Variants in LARP4B observed in about 807,000 individuals in gnomAD.
LARP4B encodes the protein La ribonucleoprotein 4B.
Under a neutral mutation model 89.8 loss-of-function variants are expected in LARP4B, and 12 were observed. The ratio of observed to expected loss-of-function variants is 0.13; its 90% CI spans 0.09 to 0.22. The LOEUF is 0.22. LARP4B is among the 10% of genes least tolerant of loss of function. The probability of loss-of-function intolerance (pLI) is 1.00; values close to 1 mark genes in which losing one functional copy is unlikely to be tolerated. For missense variants in LARP4B, 757 were observed against 947.7 expected, an observed-to-expected ratio of 0.80 and a Z score of 2.64; for synonymous variants, 367 against 363.3, an observed-to-expected ratio of 1.01 and a Z score of -0.12.
intron 3 of LARP4B, among the ~76,000 whole-genome samples, chr10:867,652 G>A (rs375936054): frequency 2.0e-5 from 3 of 152,000 alleles, no homozygotes; most frequent in African/African-American, 7.3e-5. Flanking sequence ...CTTGTGGTCA[G>A]GAGTTCAAGT....
At chr10:908,408 G>A (rs1047380032) in intron 1 of LARP4B, among the ~76,000 whole-genome samples, 1 of 152,188 alleles carries the variant, frequency 6.6e-6, no homozygotes, top group Non-Finnish European at 1.5e-5. Flanking sequence ...CCTTACTTGT[G>A]TGAGTCTGTC....
intron 1 of LARP4B, among the ~76,000 whole-genome samples, chr10:921,394 A>G (rs1274320012): frequency 1.3e-5 from 2 of 152,240 alleles, no homozygotes; most frequent in Non-Finnish European, 2.9e-5. Context: ...GAAAACATCT[A>G]GTCTACAGTT....
At chr10:987,774 C>G in the LARP4B span, 1 of 152,342 alleles carries the variant, frequency 6.6e-6, no homozygotes, top group Non-Finnish European at 1.5e-5. Flanking sequence ...TCTCTCGCAA[C>G]TGTTCCCTGG....
At chr10:957,675 T>C in the LARP4B span, among the ~76,000 whole-genome samples, 8 of 152,196 alleles carry the variant, frequency 5.3e-5, no homozygotes, top group African/African-American at 1.9e-4. Flanking sequence ...CACTCAAATA[T>C]AATAAAAATT....
At chr10:964,566 T>G in the LARP4B span, among the ~76,000 whole-genome samples, 729 of 152,246 alleles carry the variant, frequency 4.8e-3, 6 homozygotes, top group African/African-American at 0.015. Flanking sequence ...TGGAATGTGC[T>G]GAAGTTAGCA....
intron 3 of LARP4B, among the ~76,000 whole-genome samples, chr10:880,547 A>G (rs1564427933): frequency 6.6e-6 from 1 of 152,126 alleles, no homozygotes; most frequent in Non-Finnish European, 1.5e-5. Flanking sequence ...TTAGCCAAGC[A>G]TGGTGGTGCA....
rs768527302 is a variant in LARP4B, at chr10:822,327, G to C, written c.1485-1482C>G. Among the ~76,000 whole-genome samples the C allele has an allele frequency of 3.3e-5, 5 of 152,232 alleles. No homozygotes were observed. The highest frequency in any genetic ancestry group is 7.3e-5 in the Non-Finnish European group (5 of 68,032). On this transcript the variant is annotated intron_variant, in intron 13 of 17. Coordinates refer to ENST00000316157, the MANE Select transcript of LARP4B (RefSeq NM_015155.3). This position sits in a 1 kb window ranked among gnomAD's most constrained non-coding sequence, Gnocchi z 4.6. ...CTGGACAGAGGGACAGCAGCCACATGGGCAGAGGACATCCCGCAGGGCTCG... is the reference window on the plus strand; with the variant it reads ...CTGGACAGAGGGACAGCAGCCACATCGGCAGAGGACATCCCGCAGGGCTCG...
chr10:820,965 C>G, intron 13 of LARP4B, 120 bp from the exon 14 acceptor site: 4 of 829,364 alleles, frequency 4.8e-6, no homozygotes, highest in South Asian at 1.7e-5. Context: ...ACTTTGAAAC[C>G]TTTCAAAGAT....
At chr10:880,358 T>A (rs1260714744) in intron 3 of LARP4B, among the ~76,000 whole-genome samples, 1 of 152,006 alleles carries the variant, frequency 6.6e-6, no homozygotes, top group Admixed American at 6.6e-5. Flanking sequence ...GGGACTAAAG[T>A]TTTTTGGTAT....
chr10:983,668 C>G, the LARP4B span, among the ~76,000 whole-genome samples: 4 of 152,260 alleles, frequency 2.6e-5, no homozygotes, highest in Admixed American at 2.6e-4. Context: ...AGCCTCGTGA[C>G]CTTTTCTGAA....
At chr10:970,704 T>C in the LARP4B span, among the ~76,000 whole-genome samples, 1 of 152,148 alleles carries the variant, frequency 6.6e-6, no homozygotes, top group Non-Finnish European at 1.5e-5. Flanking sequence ...GTTGTTTTCT[T>C]TCTTGATGTG....
chr10:984,732 G>C, the LARP4B span, among the ~76,000 whole-genome samples: 2 of 152,098 alleles, frequency 1.3e-5, no homozygotes, highest in Non-Finnish European at 2.9e-5. Context: ...TGACCAGCCT[G>C]GACAACATGG....
chr10:943,328 G>A, the LARP4B span, among the ~76,000 whole-genome samples: 1 of 152,110 alleles, frequency 6.6e-6, no homozygotes, highest in South Asian at 2.1e-4. Flanking sequence ...CCCTCCTCCT[G>A]TCACCTCCAT....
intron 1 of LARP4B, among the ~76,000 whole-genome samples, chr10:893,715 C>A (rs1361019394): frequency 6.6e-6 from 1 of 152,162 alleles, no homozygotes; most frequent in Non-Finnish European, 1.5e-5. Flanking sequence ...TACCATGAAG[C>A]AGGAAGCCAT....
At chr10:887,242 ATATTG>A (rs1398989556) in intron 1 of LARP4B, among the ~76,000 whole-genome samples, 6 of 152,144 alleles carry the variant, frequency 3.9e-5, no homozygotes, top group Non-Finnish European at 7.3e-5. Context: ...TATAGTTGTA[ATATTG>A]TATTGTACAC....
the LARP4B span, among the ~76,000 whole-genome samples, chr10:966,656 AGGCAG>A: frequency 6.6e-6 from 1 of 152,360 alleles, no homozygotes; most frequent in South Asian, 2.1e-4. Context: ...TGTCGGGCGA[AGGCAG>A]GCCTGAAATA....
At chr10:902,614 C>G (rs183543729) in intron 1 of LARP4B, among the ~76,000 whole-genome samples, 2 of 151,444 alleles carry the variant, frequency 1.3e-5, no homozygotes, top group Non-Finnish European at 2.9e-5. Context: ...CATTTAACCT[C>G]AAGTTGAAGC....
At chr10:875,065 C>T (rs187484317) in intron 3 of LARP4B, among the ~76,000 whole-genome samples, 1 of 152,132 alleles carries the variant, frequency 6.6e-6, no homozygotes, top group African/African-American at 2.4e-5. Flanking sequence ...ATACATTGAC[C>T]ATACTGTTAT....
In LARP4B at chr10:836,435, A is replaced by G. The variant is rs959520161; in HGVS notation, c.718T>C (p.Leu240=). 1.9e-6 allele frequency: 3 copies of G among 1,612,862 alleles called. No individual in the cohort carries two copies. Among genetic ancestry groups the G allele is most frequent in the Non-Finnish European group, 1.7e-6 (2 of 1,179,044 alleles). The change falls in exon 8 of 18, where the codon TTG becomes CTG. Residue 240 remains leucine, a synonymous_variant. Coordinates refer to ENST00000316157, the MANE Select transcript of LARP4B (RefSeq NM_015155.3). ...RPNQNRCIVI[L]REISESTPVE... is the part of the protein sequence containing the mutation. ...GGGGTAGATTCAGATATTTCACGCA[A>G]TATTACTATGCAGCGATTTTGATTT... is the stretch of plus-strand genomic sequence containing the variant.
Sources: allele counts gnomAD v4.1 joint callset (sites outside exome capture counted in the v4.1 genomes callset), GRCh38; gene constraint gnomAD v4.1.1; non-coding constraint Gnocchi (gnomAD v3.1); transcripts MANE v1.5; gene names NCBI Gene and HGNC (gene_info 2026-07-23, HGNC 2026-07-21).